ARHGAP26: variants seen among roughly 807,000 people sequenced by gnomAD.
The protein encoded by ARHGAP26 is Rho GTPase activating protein 26.
In ARHGAP26, 38 loss-of-function variants were observed where a neutral mutation model predicts 104.8. That is an observed-to-expected ratio of 0.36 (90% confidence interval 0.28 to 0.48). ARHGAP26 has a LOEUF of 0.48. Ranked by LOEUF, ARHGAP26 falls within the 20% of genes least tolerant of loss-of-function variation. The pLI is 0.99. For missense variants in ARHGAP26, 704 were observed against 947.9 expected, an observed-to-expected ratio of 0.74 and a Z score of 3.38; for synonymous variants, 341 against 340.0, an observed-to-expected ratio of 1.00 and a Z score of -0.03.
chr5:143,059,202 A>C (rs1786320823), intron 17 of ARHGAP26, among the ~76,000 whole-genome samples: 2 of 152,170 alleles, frequency 1.3e-5, no homozygotes, highest in African/African-American at 4.8e-5. Context: ...CCTCCAGCCT[A>C]GCATGTGTGG....
chr5:143,017,214 C>T (rs141445118), intron 12 of ARHGAP26, among the ~76,000 whole-genome samples: 6 of 152,192 alleles, frequency 3.9e-5, no homozygotes, highest in Non-Finnish European at 8.8e-5. Flanking sequence ...TCTGAAGGAG[C>T]AGTTAACAAA....
chr5:142,938,553 T>C (rs1167548110), intron 11 of ARHGAP26, among the ~76,000 whole-genome samples: 1 of 152,244 alleles, frequency 6.6e-6, no homozygotes, highest in Non-Finnish European at 1.5e-5. Flanking sequence ...CCTTTTCTCA[T>C]TGCATATTGC....
intron 17 of ARHGAP26, among the ~76,000 whole-genome samples, chr5:143,070,841 C>T (rs922709112): frequency 5.9e-5 from 9 of 151,848 alleles, no homozygotes; most frequent in African/African-American, 1.7e-4. Flanking sequence ...AAACTGGGGA[C>T]GCGGAGGTTG....
intron 17 of ARHGAP26, among the ~76,000 whole-genome samples, chr5:143,098,658 T>C (rs1792768303): frequency 6.6e-6 from 1 of 152,170 alleles, no homozygotes; most frequent in South Asian, 2.1e-4. Flanking sequence ...AACATGAAGA[T>C]TGGACTTGAA....
intron 1 of ARHGAP26, among the ~76,000 whole-genome samples, chr5:142,833,609 C>T (rs1045055039): frequency 2.0e-4 from 30 of 152,236 alleles, no homozygotes; most frequent in Non-Finnish European, 8.8e-5. Flanking sequence ...GGTCAAAGGG[C>T]ACAAGCATTT....
chr5:142,777,766 G>A (rs749488483), intron 1 of ARHGAP26, among the ~76,000 whole-genome samples: 1 of 152,088 alleles, frequency 6.6e-6, no homozygotes, highest in African/African-American at 2.4e-5. Flanking sequence ...ATGTTTGGGG[G>A]CCAGTGGCGC....
At chr5:142,926,891 C>T (rs1344034101) in intron 10 of ARHGAP26, among the ~76,000 whole-genome samples, 1 of 152,184 alleles carries the variant, frequency 6.6e-6, no homozygotes, top group African/African-American at 2.4e-5. Flanking sequence ...ATTTTTGGAG[C>T]ATTCATCGTG....
intron 1 of ARHGAP26, among the ~76,000 whole-genome samples, chr5:142,870,889 G>A (rs1755189122): frequency 6.6e-6 from 1 of 152,200 alleles, no homozygotes; most frequent in South Asian, 2.1e-4. Flanking sequence ...GGAGAAGGGA[G>A]GTTCTCCAAA....
chr5:143,116,888 G>A (rs1795528627), intron 17 of ARHGAP26, among the ~76,000 whole-genome samples: 1 of 152,150 alleles, frequency 6.6e-6, no homozygotes, highest in Non-Finnish European at 1.5e-5. Flanking sequence ...CTGCCCTGAA[G>A]TCATGCCCCT....
At chr5:143,092,692 T>C (rs1054356569) in intron 17 of ARHGAP26, among the ~76,000 whole-genome samples, 17 of 152,230 alleles carry the variant, frequency 1.1e-4, no homozygotes, top group African/African-American at 3.9e-4. Flanking sequence ...CAAACTTTAC[T>C]TTTGTTGAAA....
chr5:142,995,356 T>C (rs185105761), intron 11 of ARHGAP26, among the ~76,000 whole-genome samples: 146 of 152,192 alleles, frequency 9.6e-4, no homozygotes, highest in African/African-American at 3.4e-3. Flanking sequence ...ATGAAGGATA[T>C]GGACACTTTT....
chr5:143,035,501 G>A (rs763248336), intron 12 of ARHGAP26, among the ~76,000 whole-genome samples: 1 of 152,104 alleles, frequency 6.6e-6, no homozygotes, highest in Admixed American at 6.6e-5. Context: ...GGATGCGAAG[G>A]CACAAGAATG....
At chr5:143,094,357 G>C (rs1011700766) in intron 17 of ARHGAP26, among the ~76,000 whole-genome samples, 1 of 152,038 alleles carries the variant, frequency 6.6e-6, no homozygotes, top group Non-Finnish European at 1.5e-5. Flanking sequence ...TTTTTCCCTC[G>C]CGTTGCTGAG....
chr5:143,205,097 GAC>G (rs1016180600), intron 20 of ARHGAP26, among the ~76,000 whole-genome samples: 1 of 152,140 alleles, frequency 6.6e-6, no homozygotes, highest in African/African-American at 2.4e-5. Context: ...GAGAGGAGTT[GAC>G]ACTTTTCCTA....
chr5:142,779,273 AG>A (rs1416778449), intron 1 of ARHGAP26, among the ~76,000 whole-genome samples: 1 of 152,220 alleles, frequency 6.6e-6, no homozygotes, highest in Non-Finnish European at 1.5e-5. Flanking sequence ...TAAGGAAAAC[AG>A]CTTGGCAGTG....
chr5:142,981,555 T>C (rs1773944648), intron 11 of ARHGAP26, among the ~76,000 whole-genome samples: 1 of 152,178 alleles, frequency 6.6e-6, no homozygotes, highest in Admixed American at 6.5e-5. Flanking sequence ...TTAGCTAGGG[T>C]GCAAGTTAGT....
chr5:142,888,438 C>T (rs1292031868), intron 5 of ARHGAP26, among the ~76,000 whole-genome samples: 2 of 152,164 alleles, frequency 1.3e-5, no homozygotes, highest in Non-Finnish European at 2.9e-5. Flanking sequence ...CTGAGTTTCT[C>T]GTAGGGGTCA....
At chr5:143,107,721 C>T (rs1448989035) in intron 17 of ARHGAP26, among the ~76,000 whole-genome samples, 2 of 152,176 alleles carry the variant, frequency 1.3e-5, no homozygotes, top group African/African-American at 2.4e-5. Flanking sequence ...CACTCTGAAT[C>T]GTTCGGTGTC....
chr5:143,213,136 C>T (rs1056825178), intron 21 of ARHGAP26, among the ~76,000 whole-genome samples: 2 of 152,200 alleles, frequency 1.3e-5, no homozygotes, highest in Admixed American at 6.5e-5. Flanking sequence ...CAGAGCAAGA[C>T]TCCGTCTAAA....
Sources: allele counts gnomAD v4.1 joint callset (sites outside exome capture counted in the v4.1 genomes callset), GRCh38; gene constraint gnomAD v4.1.1; transcripts MANE v1.5; gene names NCBI Gene and HGNC (gene_info 2026-07-23, HGNC 2026-07-21).